Variants in GRM8 observed in about 807,000 individuals in gnomAD.
GRM8 encodes glutamate metabotropic receptor 8.
Under a neutral mutation model 87.2 loss-of-function variants are expected in GRM8, and 47 were observed. The ratio of observed to expected loss-of-function variants is 0.54; its 90% CI spans 0.43 to 0.69. GRM8 has a LOEUF of 0.69. Ranked by LOEUF, GRM8 falls within the 30% of genes least tolerant of loss-of-function variation. The pLI, the probability that GRM8 is intolerant of heterozygous loss-of-function variation, is 0.00. For synonymous variants in GRM8, 396 were observed against 404.5 expected (o/e 0.98, Z 0.25); for missense variants, 1,019 against 1,139.2 (o/e 0.89, Z 1.52).
At chr7:126,593,929 G>A (rs967029564) in intron 8 of GRM8, among the ~76,000 whole-genome samples, 10 of 151,954 alleles carry the variant, frequency 6.6e-5, no homozygotes, top group Non-Finnish European at 1.3e-4. Context: ...TAAAAATTGG[G>A]CAAAGGACCT....
intron 9 of GRM8, among the ~76,000 whole-genome samples, chr7:126,493,446 G>A (rs1808290031): frequency 2.0e-5 from 3 of 152,012 alleles, no homozygotes; most frequent in Admixed American, 6.6e-5. Flanking sequence ...AGAGTAGCAT[G>A]TACCAAAAGA....
At chr7:127,034,924 T>G (rs1817711697) in intron 3 of GRM8, among the ~76,000 whole-genome samples, 1 of 151,968 alleles carries the variant, frequency 6.6e-6, no homozygotes, top group Non-Finnish European at 1.5e-5. Context: ...GGGGTGGGCA[T>G]GAAAAAAAAT....
chr7:127,223,595 G>A (rs939683097), intron 2 of GRM8, among the ~76,000 whole-genome samples: 1 of 151,914 alleles, frequency 6.6e-6, no homozygotes, highest in African/African-American at 2.4e-5. Context: ...GAGTGTGGAG[G>A]CTGGCCTTTC....
chr7:126,927,847 C>A (rs1383981100), intron 3 of GRM8, among the ~76,000 whole-genome samples: 2 of 152,078 alleles, frequency 1.3e-5, no homozygotes, highest in Non-Finnish European at 2.9e-5. Flanking sequence ...TACCATTTGA[C>A]CCAGCAATCC....
intron 7 of GRM8, among the ~76,000 whole-genome samples, chr7:126,639,415 G>C (rs1802163325): frequency 6.6e-6 from 1 of 152,168 alleles, no homozygotes; most frequent in African/African-American, 2.4e-5. Flanking sequence ...AGTTATTTGA[G>C]AGTGCAAAGG....
At chr7:127,073,977 G>A (rs1005556867) in intron 3 of GRM8, among the ~76,000 whole-genome samples, 2 of 152,172 alleles carry the variant, frequency 1.3e-5, no homozygotes, top group Non-Finnish European at 2.9e-5. Flanking sequence ...AACCAAAGGA[G>A]TATCCTTTCA....
intron 9 of GRM8, among the ~76,000 whole-genome samples, chr7:126,475,792 A>G (rs1805833115): frequency 6.6e-6 from 1 of 152,198 alleles, no homozygotes; most frequent in South Asian, 2.1e-4. Flanking sequence ...AACACAATAA[A>G]GAGCTTAGAA....
chr7:127,147,370 G>A (rs1170381906), intron 2 of GRM8, among the ~76,000 whole-genome samples: 1 of 152,076 alleles, frequency 6.6e-6, no homozygotes, highest in Non-Finnish European at 1.5e-5. Flanking sequence ...AGAGTGGGAA[G>A]CTCAAGTTTA....
At chr7:126,659,400 G>T (rs1804902979) in intron 7 of GRM8, among the ~76,000 whole-genome samples, 1 of 152,164 alleles carries the variant, frequency 6.6e-6, no homozygotes, top group Admixed American at 6.5e-5. Flanking sequence ...CTTTAGATTT[G>T]AGTGTTTACT....
chr7:126,481,779 T>C (rs1806711400), intron 9 of GRM8, among the ~76,000 whole-genome samples: 1 of 152,076 alleles, frequency 6.6e-6, no homozygotes, highest in Non-Finnish European at 1.5e-5. Flanking sequence ...GAAATCTGAA[T>C]AAAGTTGGTA....
intron 3 of GRM8, among the ~76,000 whole-genome samples, chr7:127,029,835 C>T (rs972313971): frequency 2.6e-5 from 4 of 151,978 alleles, no homozygotes; most frequent in Non-Finnish European, 5.9e-5. Flanking sequence ...GATAAAGTTC[C>T]ATTTTTAATA....
intron 3 of GRM8, among the ~76,000 whole-genome samples, chr7:127,031,584 G>A (rs999129767): frequency 6.6e-6 from 1 of 151,912 alleles, no homozygotes; most frequent in Non-Finnish European, 1.5e-5. Context: ...GAAATACTCT[G>A]TTGAAATAAA....
intron 9 of GRM8, among the ~76,000 whole-genome samples, chr7:126,455,092 C>T (rs933703185): frequency 7.2e-5 from 11 of 151,770 alleles, no homozygotes; most frequent in African/African-American, 2.7e-4. Context: ...ACCATAACAT[C>T]TATCAATTAT....
Position 126,944,791 on chromosome 7 carries a change from A to C in GRM8, c.728-40108T>G, listed in dbSNP as rs190036758. ...TTACAAAAGTCAGGAAAAGAAAGCC[A>C]AACAATCCCATATAAAAATGAACAA... On this transcript the variant is annotated intron_variant, in intron 3 of 10. Coordinates refer to ENST00000339582, the MANE Select transcript of GRM8 (RefSeq NM_000845.3). Among the ~76,000 whole-genome samples, 98 of 152,346 alleles carry C rather than the reference A, an allele frequency of 6.4e-4. 1 individual carries two copies. The East Asian group carries it at 0.016, about 25-fold the overall frequency.
At chr7:126,618,949 T>C (rs372683984) in intron 7 of GRM8, among the ~76,000 whole-genome samples, 7 of 152,186 alleles carry the variant, frequency 4.6e-5, no homozygotes, top group South Asian at 4.1e-4. Context: ...GTTCAACCAT[T>C]GTGGAAGACA....
intron 6 of GRM8, among the ~76,000 whole-genome samples, chr7:126,865,067 A>T (rs764913137): frequency 1.3e-5 from 2 of 152,196 alleles, no homozygotes; most frequent in African/African-American, 2.4e-5. Flanking sequence ...TTTGTGAGCT[A>T]AGCAGAATCC....
At chr7:126,653,802 T>G (rs1804206877) in intron 7 of GRM8, among the ~76,000 whole-genome samples, 1 of 152,242 alleles carries the variant, frequency 6.6e-6, no homozygotes, top group Non-Finnish European at 1.5e-5. Context: ...AAGAGCAAAC[T>G]ATATTTCTAT....
At chr7:126,949,234 A>C (rs1016244265) in intron 3 of GRM8, among the ~76,000 whole-genome samples, 8 of 152,174 alleles carry the variant, frequency 5.3e-5, no homozygotes, top group Non-Finnish European at 8.8e-5. Flanking sequence ...TTGGAACCTG[A>C]GACATGGTCC....
chr7:127,113,099 G>C (rs1468056981), intron 2 of GRM8, among the ~76,000 whole-genome samples: 1 of 152,168 alleles, frequency 6.6e-6, no homozygotes, highest in Non-Finnish European at 1.5e-5. Context: ...AAGGGGATCA[G>C]AGACTTTTAG....
Sources: allele counts gnomAD v4.1 joint callset (sites outside exome capture counted in the v4.1 genomes callset), GRCh38; gene constraint gnomAD v4.1.1; transcripts MANE v1.5; gene names NCBI Gene and HGNC (gene_info 2026-07-23, HGNC 2026-07-21).